NTRK3: variants seen among roughly 807,000 people sequenced by gnomAD.
NTRK3 encodes the protein NT-3 growth factor receptor.
NTRK3 carries 24 observed loss-of-function variants against 91.7 expected under a neutral mutation model. That is an observed-to-expected ratio of 0.26 (90% CI 0.19 to 0.37). The LOEUF is 0.37. Ranked by LOEUF, NTRK3 falls within the 10% of genes least tolerant of loss-of-function variation. The pLI is 1.00. For synonymous variants in NTRK3, 483 were observed against 404.0 expected (o/e 1.20, Z -2.34); for missense variants, 880 against 1,068.9 (o/e 0.82, Z 2.46).
intron 13 of NTRK3, among the ~76,000 whole-genome samples, chr15:88,068,430 C>CA (rs758676627): frequency 5.9e-4 from 89 of 151,620 alleles, no homozygotes; most frequent in Non-Finnish European, 9.9e-4. Flanking sequence ...AACTCCATCT[C>CA]AAAAAAACAA....
At chr15:88,103,964 C>A (rs1185673325) in intron 13 of NTRK3, among the ~76,000 whole-genome samples, 1 of 152,170 alleles carries the variant, frequency 6.6e-6, no homozygotes, top group Non-Finnish European at 1.5e-5. Flanking sequence ...TATAACTGGC[C>A]ACTGACTTAG....
chr15:87,947,877 G>A (rs150874878), intron 14 of NTRK3, among the ~76,000 whole-genome samples: 1 of 152,184 alleles, frequency 6.6e-6, no homozygotes, highest in African/African-American at 2.4e-5. Context: ...TAACATTCTG[G>A]GAGCTCCAAC....
At position 87,865,571 on chromosome 15, in the gene NTRK3, C is replaced by T. The variant is rs188908052; in HGVS notation, c.*11364G>A. On this transcript the variant is annotated 3_prime_UTR_variant, in exon 19 of 19. Transcript: ENST00000394480. ...TGGTCCTGGCATGAACAGGGTACCA[C>T]TTAAAAATCATTATCCCTTCAGATG... 568 of 216,998 alleles carry T rather than the reference C, an allele frequency of 2.6e-3. 3 individuals carry two copies. Among genetic ancestry groups the T allele is most frequent in the African/African-American group, 0.012 (539 of 44,544 alleles). The allele number at this position is 216,998 out of a possible 1,614,324, so 13.4% of individuals were successfully genotyped here.
In NTRK3 at chr15:88,115,480, A is replaced by C. The variant is rs2051941121; in HGVS notation, c.1396+10791T>G. 2.0e-5 allele frequency among the ~76,000 whole-genome samples: 3 copies of C among 152,202 alleles called. No homozygotes were observed. In the South Asian group the frequency reaches 6.2e-4, roughly 32 times the overall value. On this transcript the variant is annotated intron_variant, in intron 13 of 18. Coordinates refer to ENST00000394480, the Ensembl canonical transcript of NTRK3. ...TTCACTTTTGAAAGGCAGTTCCTGG[A>C]ACCACCCGGACGCCCTCCTTGGGGC...
chr15:88,212,094 C>T (rs1179683063), intron 3 of NTRK3, among the ~76,000 whole-genome samples: 3 of 152,202 alleles, frequency 2.0e-5, no homozygotes, highest in Non-Finnish European at 4.4e-5. Flanking sequence ...ACAGGCCGGG[C>T]ACGGTGGCTC....
At chr15:87,914,698 A>G (rs1189488553) in intron 17 of NTRK3, among the ~76,000 whole-genome samples, 1 of 152,202 alleles carries the variant, frequency 6.6e-6, no homozygotes, top group Non-Finnish European at 1.5e-5. Flanking sequence ...ATAAATACAA[A>G]GATCAGGAAG....
chr15:87,900,657 C>T (rs938592535), intron 17 of NTRK3, among the ~76,000 whole-genome samples: 2 of 151,754 alleles, frequency 1.3e-5, no homozygotes, highest in African/African-American at 2.4e-5. Flanking sequence ...CCCTTCCTAA[C>T]ACCTGCAGCA....
chr15:88,218,109 T>G (rs995372061), intron 3 of NTRK3, among the ~76,000 whole-genome samples: 9 of 152,006 alleles, frequency 5.9e-5, no homozygotes, highest in African/African-American at 2.2e-4. Flanking sequence ...TTCCCCCGAG[T>G]TGAATGCAGG....
At chr15:88,029,579 C>G (rs1226272449) in intron 14 of NTRK3, among the ~76,000 whole-genome samples, 2 of 152,122 alleles carry the variant, frequency 1.3e-5, no homozygotes, top group Non-Finnish European at 2.9e-5. Context: ...AATTCCACCC[C>G]ACATTACACA....
At chr15:87,914,087 C>T (rs746688205) in intron 17 of NTRK3, among the ~76,000 whole-genome samples, 1 of 152,144 alleles carries the variant, frequency 6.6e-6, no homozygotes, top group Non-Finnish European at 1.5e-5. Flanking sequence ...AGCTGGATGT[C>T]GTTGATTATT....
chr15:88,215,267 G>A (rs956702532), intron 3 of NTRK3, among the ~76,000 whole-genome samples: 4 of 152,192 alleles, frequency 2.6e-5, no homozygotes, highest in Non-Finnish European at 5.9e-5. Context: ...GGAGCATCAC[G>A]CTTGGGGGTT....
intron 13 of NTRK3, among the ~76,000 whole-genome samples, chr15:88,108,672 T>A (rs1180171449): frequency 6.6e-6 from 1 of 152,218 alleles, no homozygotes; most frequent in Non-Finnish European, 1.5e-5. Context: ...CAGATTTCTA[T>A]AACATTCCAT....
intron 13 of NTRK3, among the ~76,000 whole-genome samples, chr15:88,066,732 TG>T (rs1453991269): frequency 1.3e-5 from 2 of 152,118 alleles, no homozygotes; most frequent in Non-Finnish European, 2.9e-5. Flanking sequence ...AGTAGAGCCA[TG>T]ATCGTCAAAG....
At chr15:87,991,339 T>C (rs890042498) in intron 14 of NTRK3, among the ~76,000 whole-genome samples, 1 of 152,172 alleles carries the variant, frequency 6.6e-6, no homozygotes, top group Admixed American at 6.5e-5. Flanking sequence ...ACCTACCGGA[T>C]TGGGATCTGC....
chr15:87,863,648 T>C (rs991927338), exon 19 of NTRK3: 1 of 224,290 alleles, frequency 4.5e-6, no homozygotes, highest in Non-Finnish European at 8.9e-6. Flanking sequence ...AATTCCCTCA[T>C]GTTATTCATG....
intron 17 of NTRK3, among the ~76,000 whole-genome samples, chr15:87,892,582 T>C (rs1006037882): frequency 8.5e-5 from 13 of 152,224 alleles, no homozygotes; most frequent in Non-Finnish European, 5.9e-5. Flanking sequence ...ATATGTATAT[T>C]ATTTTGTCGA....
intron 14 of NTRK3, among the ~76,000 whole-genome samples, chr15:87,979,731 T>C (rs1291830113): frequency 2.6e-5 from 4 of 152,068 alleles, no homozygotes; most frequent in African/African-American, 4.8e-5. Flanking sequence ...TGGATTGTCA[T>C]GGAAGAGGAG....
At chr15:88,169,697 GGTCTA>G (rs1250067484) in intron 5 of NTRK3, among the ~76,000 whole-genome samples, 1 of 152,208 alleles carries the variant, frequency 6.6e-6, no homozygotes, top group Non-Finnish European at 1.5e-5. Flanking sequence ...TCTGGTTCCA[GGTCTA>G]GTGGGTCCCA....
At chr15:88,083,021 T>A (rs1320327109) in intron 13 of NTRK3, among the ~76,000 whole-genome samples, 1 of 152,228 alleles carries the variant, frequency 6.6e-6, no homozygotes. Flanking sequence ...TACTTTGGAA[T>A]GTCTGGATGA....
Sources: gnomAD v4.1 joint callset for allele counts (sites outside exome capture counted in the v4.1 genomes callset) on GRCh38, gnomAD v4.1.1 for gene constraint, MANE v1.5 for transcripts, NCBI Gene and HGNC (gene_info 2026-07-23, HGNC 2026-07-21) for gene names.